Variants in USP47 observed in about 807,000 individuals in gnomAD.
USP47 encodes the protein ubiquitin specific peptidase 47.
USP47 carries 35 observed loss-of-function variants against 165.1 expected under a neutral mutation model. The ratio of observed to expected loss-of-function variants is 0.21; its 90% confidence interval spans 0.16 to 0.28. USP47 has a LOEUF of 0.28. Ranked by LOEUF, USP47 falls within the 10% of genes least tolerant of loss-of-function variation. The pLI is 1.00. For synonymous variants in USP47, 531 were observed against 544.5 expected (o/e 0.98, Z 0.35); for missense variants, 1,277 against 1,607.4 (o/e 0.79, Z 3.52).
In USP47 at chr11:11,940,552, T is replaced by C; in HGVS notation, c.2313+4T>C. 1 of 1,610,062 alleles carries C rather than the reference T, an allele frequency of 6.2e-7. No individual in the cohort carries two copies. The highest frequency in any genetic ancestry group is 8.5e-7 in the Non-Finnish European group (1 of 1,177,734). On this transcript the variant is annotated splice_donor_region_variant and intron_variant, in intron 19 of 27. Coordinates refer to ENST00000527733, the MANE Select transcript of USP47 (RefSeq NM_001282659.2). ...AGGATTTTTTAGAAGTAACAAGGTATGTCATTTACTTTTTCATTACTATTT... is the reference window on the plus strand; with the variant it reads ...AGGATTTTTTAGAAGTAACAAGGTACGTCATTTACTTTTTCATTACTATTT...
intron 1 of USP47, among the ~76,000 whole-genome samples, chr11:11,853,252 A>C (rs1381370383): frequency 1.3e-5 from 2 of 152,236 alleles, no homozygotes; most frequent in African/African-American, 4.8e-5. Context: ...ATTGTAAATT[A>C]AAGTTCCAAA....
At chr11:11,850,031 T>C (rs1848637347) in intron 1 of USP47, among the ~76,000 whole-genome samples, 1 of 152,058 alleles carries the variant, frequency 6.6e-6, no homozygotes, top group South Asian at 2.1e-4. Context: ...TCTTTTTTTC[T>C]CTTTGCGAGC....
chr11:11,882,146 G>A (rs1850874362), intron 2 of USP47, among the ~76,000 whole-genome samples: 1 of 152,054 alleles, frequency 6.6e-6, no homozygotes, highest in Non-Finnish European at 1.5e-5. Context: ...ATCAATCACT[G>A]CTCATTGCCC....
intron 1 of USP47, among the ~76,000 whole-genome samples, chr11:11,869,666 A>G (rs1849906031): frequency 6.6e-6 from 1 of 152,174 alleles, no homozygotes; most frequent in South Asian, 2.1e-4. Flanking sequence ...TTTGCATCAA[A>G]CTTTGCTATG....
chr11:11,860,058 C>T (rs1043214333), intron 1 of USP47, among the ~76,000 whole-genome samples: 2 of 149,152 alleles, frequency 1.3e-5, no homozygotes, highest in Non-Finnish European at 3.0e-5. Context: ...GAGCCAAGAT[C>T]GCGCCACTGC....
In USP47 at chr11:11,947,925, G is replaced by GT; in HGVS notation, c.3092-20_3092-19insT. 6.4e-7 allele frequency: 1 copy of GT among 1,568,914 alleles called. No homozygotes were observed. Among genetic ancestry groups the GT allele is most frequent in the Non-Finnish European group, 8.6e-7 (1 of 1,165,074 alleles). On this transcript the variant is annotated intron_variant, in intron 20 of 27. Coordinates refer to ENST00000527733, the MANE Select transcript of USP47 (RefSeq NM_001282659.2). ...TCTTTTACATTTTTGTTCCTGTTTTGGTTTTTTTTTTGTGCTTAGGGTTGA... is the reference window on the plus strand; with the variant it reads ...TCTTTTACATTTTTGTTCCTGTTTTGTGTTTTTTTTTTGTGCTTAGGGTTGA...
intron 19 of USP47, among the ~76,000 whole-genome samples, chr11:11,941,792 T>C (rs1358080925): frequency 6.6e-6 from 1 of 152,122 alleles, no homozygotes; most frequent in Admixed American, 6.6e-5. Flanking sequence ...TTCAAATTTC[T>C]CTGATTGTCT....
chr11:11,864,848 CA>C (rs1414284414), intron 1 of USP47, among the ~76,000 whole-genome samples: 4 of 151,974 alleles, frequency 2.6e-5, no homozygotes, highest in Admixed American at 6.6e-5. Flanking sequence ...CTGCTGGCAT[CA>C]AATCTTTTCA....
intron 3 of USP47, 144 bp downstream of exon 3, chr11:11,884,724 T>A (rs1024012269): frequency 1.7e-6 from 1 of 603,972 alleles, no homozygotes; most frequent in Non-Finnish European, 2.9e-6. Flanking sequence ...TGGTTTGTTA[T>A]AAGTGTGTAG....
intron 21 of USP47, 168 bp downstream of exon 21, chr11:11,948,288 AAC>A: frequency 1.1e-6 from 1 of 902,534 alleles, no homozygotes; most frequent in Non-Finnish European, 1.6e-6. Flanking sequence ...TCACTCATCT[AAC>A]AAACATTTGT....
At position 11,908,721 on chromosome 11, in the gene USP47, C is replaced by CT. The variant is rs565971553; in HGVS notation, c.969+3179dup. Among the ~76,000 whole-genome samples the CT allele has an allele frequency of 7.6e-3, 1,158 of 151,830 alleles. 22 individuals carry two copies. The South Asian group carries it at 0.095, about 12-fold the overall frequency. On this transcript the variant is annotated intron_variant, in intron 8 of 27. Transcript: ENST00000527733. ...AAAAAGCCTTTTATTATAATAATTT[C>CT]TTTTTTCAATAGATTTTTAGTTATT...
intron 11 of USP47, 56 bp from the exon 12 acceptor site, chr11:11,929,378 C>T: frequency 1.3e-6 from 2 of 1,584,552 alleles, no homozygotes; most frequent in Non-Finnish European, 1.7e-6. Flanking sequence ...AGGAAATACA[C>T]AAATAAGGGT....
chr11:11,842,120 G>C lies in USP47; in HGVS notation c.-66G>C, dbSNP rs2134089921. The C allele has an allele frequency of 1.3e-6, 2 of 1,540,128 alleles. No homozygotes were observed. The highest frequency in any genetic ancestry group is 3.4e-4 in the Middle Eastern group (2 of 5,922). On this transcript the variant is annotated 5_prime_UTR_variant, in exon 1 of 28. Transcript: ENST00000527733. The stretch of plus-strand genomic sequence containing the variant: ...GACTGCCGCTGCCATTCTCTCTTGA[G>C]CTAGCGAGCCGCCGCCACCCTCCAC...
chr11:11,923,533 G>GT, intron 11 of USP47, among the ~76,000 whole-genome samples: 1 of 152,094 alleles, frequency 6.6e-6, no homozygotes, highest in East Asian at 1.9e-4. Flanking sequence ...AACTTTAAGG[G>GT]TTTTTTAGAC....
Position 11,905,417 on chromosome 11 carries a change from C to CTA in USP47, c.842_843dup (p.Gln282IlefsTer5). 6.3e-7 allele frequency: 1 copy of CTA among 1,586,196 alleles called. No homozygotes were observed. Among genetic ancestry groups the CTA allele is most frequent in the Non-Finnish European group, 8.6e-7 (1 of 1,162,772 alleles). On this transcript the variant is annotated frameshift_variant, in exon 8 of 28. Transcript: ENST00000527733. LOFTEE classifies it high-confidence loss of function. ...TTTTTAGGCTGATCTTATAAATGAG[C>CTA]TATATCAAGGCAAGCTGAAGGACTA...
chr11:11,873,343 T>TA (rs1850194137), intron 1 of USP47, among the ~76,000 whole-genome samples: 1 of 152,158 alleles, frequency 6.6e-6, no homozygotes, highest in Non-Finnish European at 1.5e-5. Flanking sequence ...ATTTAATTGT[T>TA]AAACTCATAA....
At chr11:11,875,924 A>AT (rs908516371) in intron 1 of USP47, among the ~76,000 whole-genome samples, 1 of 152,034 alleles carries the variant, frequency 6.6e-6, no homozygotes, top group Non-Finnish European at 1.5e-5. Flanking sequence ...TTTAAAAAGG[A>AT]TTTTTTTTCT....
rs11828935 is a variant in USP47 at position 11,961,100 on chromosome 11, G to A, written c.*4925G>A. ...TTTACTTAAGGTGTCCAGAGATGGT[G>A]GAGAACAGGATTGGTTTCCTCCTCA... On this transcript the variant is annotated 3_prime_UTR_variant, in exon 28 of 28. Coordinates refer to ENST00000527733, the MANE Select transcript of USP47 (RefSeq NM_001282659.2). Among the ~76,000 whole-genome samples the A allele has an allele frequency of 0.026, 3,892 of 152,272 alleles. 166 individuals are homozygous for A. The highest frequency in any genetic ancestry group is 0.087 in the African/African-American group (3,620 of 41,532).
intron 1 of USP47, among the ~76,000 whole-genome samples, chr11:11,876,803 G>A (rs1850450356): frequency 6.6e-6 from 1 of 152,142 alleles, no homozygotes. Context: ...AAATACAAAA[G>A]CAGAAACTGC....
Sources: gnomAD v4.1 joint callset for allele counts (sites outside exome capture counted in the v4.1 genomes callset) on GRCh38, gnomAD v4.1.1 for gene constraint, MANE v1.5 for transcripts, NCBI Gene and HGNC (gene_info 2026-07-23, HGNC 2026-07-21) for gene names.